The following HCN1 variants were observed in gnomAD, a reference collection of about 807,000 sequenced individuals.
The protein encoded by HCN1 is hyperpolarization activated cyclic nucleotide gated potassium channel 1.
HCN1 carries 13 observed loss-of-function variants against 78.9 expected under a neutral mutation model. That is an observed-to-expected ratio of 0.16 (90% CI 0.11 to 0.26). The LOEUF (loss-of-function observed/expected upper bound fraction) is 0.26, where lower values mean the gene tolerates loss of function less well. HCN1 is among the 10% of genes least tolerant of loss of function. The probability of loss-of-function intolerance (pLI) is 1.00; values close to 1 mark genes in which losing one functional copy is unlikely to be tolerated. For missense variants in HCN1, 810 were observed against 1,154.3 expected, an observed-to-expected ratio of 0.70 and a Z score of 4.32; for synonymous variants, 552 against 455.5, an observed-to-expected ratio of 1.21 and a Z score of -2.70.
chr5:45,536,780 T>C (rs1742976442), intron 2 of HCN1, among the ~76,000 whole-genome samples: 1 of 152,220 alleles, frequency 6.6e-6, no homozygotes, highest in Non-Finnish European at 1.5e-5. Flanking sequence ...AAAGAAAATC[T>C]GGATTTTGTT....
chr5:45,313,006 T>C (rs1745889556), intron 5 of HCN1, among the ~76,000 whole-genome samples: 1 of 152,136 alleles, frequency 6.6e-6, no homozygotes, highest in Non-Finnish European at 1.5e-5. Flanking sequence ...TCTGACAGCT[T>C]TGAAGACAGT....
chr5:45,361,853 A>G (rs1439125844), intron 4 of HCN1, among the ~76,000 whole-genome samples: 1 of 152,102 alleles, frequency 6.6e-6, no homozygotes, highest in Non-Finnish European at 1.5e-5. Flanking sequence ...ACATTGTTTA[A>G]GATTTAACTA....
intron 2 of HCN1, among the ~76,000 whole-genome samples, chr5:45,504,521 C>T (rs1742255787): frequency 6.6e-6 from 1 of 152,108 alleles, no homozygotes; most frequent in African/African-American, 2.4e-5. Context: ...TGGGTTGGTG[C>T]CAAGTCTTTG....
intron 4 of HCN1, among the ~76,000 whole-genome samples, chr5:45,362,799 C>G (rs1184368345): frequency 6.6e-6 from 1 of 151,954 alleles, no homozygotes; most frequent in Non-Finnish European, 1.5e-5. Context: ...AGACTGTGCT[C>G]TTATTTGCTG....
At chr5:45,570,983 C>T (rs182539319) in intron 2 of HCN1, among the ~76,000 whole-genome samples, 7 of 152,228 alleles carry the variant, frequency 4.6e-5, no homozygotes, top group Admixed American at 2.6e-4. Context: ...ATATTGCTCA[C>T]TTGATAATTT....
chr5:45,420,584 C>A (rs1341982529), intron 3 of HCN1, among the ~76,000 whole-genome samples: 5 of 152,064 alleles, frequency 3.3e-5, no homozygotes, highest in African/African-American at 1.2e-4. Context: ...AAGTGGCATG[C>A]CAGCCTTGGG....
At chr5:45,437,758 C>T (rs1374391582) in intron 3 of HCN1, among the ~76,000 whole-genome samples, 1 of 152,182 alleles carries the variant, frequency 6.6e-6, no homozygotes, top group Non-Finnish European at 1.5e-5. Flanking sequence ...TAACAAGTTA[C>T]CCTGAAACTT....
intron 2 of HCN1, among the ~76,000 whole-genome samples, chr5:45,564,062 C>A (rs1743658967): frequency 6.6e-6 from 1 of 152,130 alleles, no homozygotes; most frequent in South Asian, 2.1e-4. Flanking sequence ...CAGACCCAAT[C>A]ATAAATGTCG....
At chr5:45,620,473 A>G (rs962761193) in intron 2 of HCN1, among the ~76,000 whole-genome samples, 16 of 151,922 alleles carry the variant, frequency 1.1e-4, no homozygotes, top group African/African-American at 3.9e-4. Context: ...AATTATTTTC[A>G]AATTAATTTT....
intron 2 of HCN1, among the ~76,000 whole-genome samples, chr5:45,464,819 C>G (rs1227467205): frequency 6.6e-6 from 1 of 151,744 alleles, no homozygotes; most frequent in Admixed American, 6.6e-5. Context: ...AAACTTTACT[C>G]AAGAAAGATT....
At chr5:45,409,604 C>T (rs1199953193) in intron 3 of HCN1, among the ~76,000 whole-genome samples, 5 of 151,954 alleles carry the variant, frequency 3.3e-5, no homozygotes, top group African/African-American at 4.8e-5. Flanking sequence ...ATGGTGCAAA[C>T]ATCTCTGATT....
chr5:45,543,400 T>A (rs1284433046), intron 2 of HCN1, among the ~76,000 whole-genome samples: 4 of 152,076 alleles, frequency 2.6e-5, no homozygotes, highest in African/African-American at 9.7e-5. Context: ...ATACTATGAC[T>A]TGCTTTAGAA....
rs537724962 is a variant in HCN1 at position 45,368,334 on chromosome 5, TTAAC to T, written c.1231-15092_1231-15089del. ...AATGAACATTTTCTTAGTCAGGTGT[TTAAC>T]TAGGCAATGAGAAAATTATAGCAAA... On this transcript the variant is annotated intron_variant, in intron 4 of 7. Coordinates refer to ENST00000303230, the MANE Select transcript of HCN1 (RefSeq NM_021072.4). Among the ~76,000 whole-genome samples the T allele has an allele frequency of 8.5e-5, 13 of 152,126 alleles. No individual in the cohort carries two copies. In the East Asian group the frequency reaches 1.7e-3, roughly 20 times the overall value.
Position 45,259,053 on chromosome 5 carries a change from CAAA to C in HCN1, c.*2865_*2867del, listed in dbSNP as rs1398885935. On this transcript the variant is annotated 3_prime_UTR_variant, in exon 8 of 8. Transcript: ENST00000303230. ...TATTTTACTATACGAAAAAGGTAAACAAAGAAGTGGTTGAAAAATCCATGTTCT... is the reference window on the plus strand; with the variant it reads ...TATTTTACTATACGAAAAAGGTAAACGAAGTGGTTGAAAAATCCATGTTCT... 5 of 151,718 alleles carry C rather than the reference CAAA, an allele frequency of 3.3e-5. No homozygotes were observed. Among genetic ancestry groups the C allele is most frequent in the Non-Finnish European group, 5.9e-5 (4 of 67,824 alleles). The allele number at this position is 151,718 out of a possible 1,614,324, so 9.4% of individuals were successfully genotyped here.
chr5:45,505,726 T>C (rs940104531), intron 2 of HCN1, among the ~76,000 whole-genome samples: 2 of 152,158 alleles, frequency 1.3e-5, no homozygotes, highest in African/African-American at 4.8e-5. Flanking sequence ...ATATGGAAGC[T>C]TAGTTTATTA....
rs539524243 is a variant in HCN1 at position 45,264,329 on chromosome 5, T to C, written c.1784-1519A>G. On this transcript the variant is annotated intron_variant, in intron 7 of 7. Transcript: ENST00000303230. ...ACTAGACAGTCTCTGGCATAATAAT[T>C]ATTAGAATGAATAGTGGATTGGTGA... Among the ~76,000 whole-genome samples, 348 of 152,272 alleles carry C rather than the reference T, an allele frequency of 2.3e-3. 1 individual carries two copies. Among genetic ancestry groups the C allele is most frequent in the African/African-American group, 7.9e-3 (329 of 41,548 alleles).
At chr5:45,270,962 T>C (rs1332982426) in intron 6 of HCN1, among the ~76,000 whole-genome samples, 5 of 152,112 alleles carry the variant, frequency 3.3e-5, no homozygotes, top group Non-Finnish European at 7.4e-5. Flanking sequence ...ATAATGAATA[T>C]ATAACATATG....
Position 45,461,901 on chromosome 5 carries a change from A to C in HCN1, c.956T>G (p.Val319Gly). 6.2e-7 allele frequency: 1 copy of C among 1,613,530 alleles called. No homozygotes were observed. Among genetic ancestry groups the C allele is most frequent in the Non-Finnish European group, 8.5e-7 (1 of 1,179,592 alleles). ...TGGTGGGAAGTCCTGCAGTAGTGGT[A>C]CTAAGAACTGAAGACAACCATCCCA... ...CHWDGCLQFL[V>G]PLLQDFPPDC... Residue 319 changes from valine to glycine, a missense_variant, in exon 3 of 8, where the codon GTA (valine) becomes GGA (glycine). Physicochemically the swap from Val to Gly is moderately radical, Grantham distance 109 (BLOSUM62 -3). This residue lies in a region of HCN1 where 104 missense variants were observed against 402.8 expected (regional missense o/e 0.26). Transcript: ENST00000303230.
At chr5:45,548,958 C>T (rs974602857) in intron 2 of HCN1, among the ~76,000 whole-genome samples, 6 of 151,276 alleles carry the variant, frequency 4.0e-5, no homozygotes, top group African/African-American at 1.5e-4. Context: ...AGGACCTCTT[C>T]AAGGAGAACT....
Sources: allele counts gnomAD v4.1 joint callset (sites outside exome capture counted in the v4.1 genomes callset), GRCh38; gene constraint gnomAD v4.1.1; regional missense constraint gnomAD v4.1.1; transcripts MANE v1.5; gene names NCBI Gene and HGNC (gene_info 2026-07-23, HGNC 2026-07-21).